KIR3DL2: variants seen among roughly 807,000 people sequenced by gnomAD.
KIR3DL2 encodes the protein killer cell immunoglobulin like receptor, three Ig domains and long cytoplasmic tail 2.
In KIR3DL2, 42 loss-of-function variants were observed where a neutral mutation model predicts 41.6. That is an observed-to-expected ratio of 1.01 (90% confidence interval 0.79 to 1.31). KIR3DL2 has a LOEUF of 1.31. KIR3DL2 is among the 50% of genes most tolerant of loss of function. The probability of loss-of-function intolerance (pLI) is 0.00; values close to 1 mark genes in which losing one functional copy is unlikely to be tolerated. For synonymous variants in KIR3DL2, 230 were observed against 221.3 expected (o/e 1.04, Z -0.35); for missense variants, 728 against 576.8 (o/e 1.26, Z -2.68).
At chr19:54,861,363 A>G (rs1275931655) in intron 6 of KIR3DL2, among the ~76,000 whole-genome samples, 1 of 152,080 alleles carries the variant, frequency 6.6e-6, no homozygotes, top group Non-Finnish European at 1.5e-5. Flanking sequence ...CATAATATAC[A>G]AGGCTGTGAA....
chr19:54,865,643 A>G (rs2065450590), intron 6 of KIR3DL2, among the ~76,000 whole-genome samples, 162 bp from the exon 7 acceptor site: 1 of 152,146 alleles, frequency 6.6e-6, no homozygotes, highest in Admixed American at 6.5e-5. Context: ...GGTTTCTATG[A>G]GAGCTGTAAC....
rs746225412 is a variant in KIR3DL2, at chr19:54,866,546, G to C, written c.1183G>C (p.Glu395Gln). 1.2e-6 allele frequency: 2 copies of C among 1,614,038 alleles called. No homozygotes were observed. Among genetic ancestry groups the C allele is most frequent in the Non-Finnish European group, 1.7e-6 (2 of 1,179,986 alleles). ...RQDSDEQDPQEVTYAQLDHCV... is the reference protein window; with the variant it reads ...RQDSDEQDPQQVTYAQLDHCV... ...GGACTCTGATGAACAAGACCCTCAG[G>C]AGGTGACGTACGCACAGTTGGATCA... Residue 395 changes from glutamate (E) to glutamine (Q), a missense_variant, in exon 9 of 9, where the codon GAG becomes CAG. Glu to Gln is a conservative substitution (Grantham distance 29). Transcript: ENST00000326321.
At chr19:54,855,058 ATGAAGAT>A (rs1386678306) in intron 4 of KIR3DL2, among the ~76,000 whole-genome samples, 2 of 85,718 alleles carry the variant, frequency 2.3e-5, no homozygotes, top group African/African-American at 9.2e-5. Context: ...GATGATGATG[ATGAAGAT>A]AGATAGAAGA....
chr19:54,852,024 G>T lies in KIR3DL2; in HGVS notation c.97G>T (p.Ala33Ser). ...TGGTCAGGACAAACCCTTCCTGTCT[G>T]CCCGGCCCAGCACTGTGGTGCCTCG... ...MGGQDKPFLS[A>S]RPSTVVPRGG... The change falls in exon 3 of 9, where the codon GCC (alanine) becomes TCC (serine). Residue 33 changes from alanine (A) to serine (S), a missense_variant. Ala to Ser is a moderately conservative substitution (Grantham distance 99, BLOSUM62 1). Coordinates refer to ENST00000326321, the MANE Select transcript of KIR3DL2 (RefSeq NM_006737.4). The T allele has an allele frequency of 3.1e-6, 5 of 1,611,082 alleles. No individual in the cohort carries two copies. In the South Asian group the frequency reaches 3.3e-5, roughly 11 times the overall value.
At chr19:54,861,522 G>A (rs2065181758) in intron 6 of KIR3DL2, among the ~76,000 whole-genome samples, 2 of 148,668 alleles carry the variant, frequency 1.3e-5, no homozygotes. Context: ...GGTGGTGCAT[G>A]ACTGTAATCC....
chr19:54,866,051 C>T, intron 7 of KIR3DL2, 142 bp downstream of exon 7: 1 of 816,756 alleles, frequency 1.2e-6, no homozygotes, highest in Non-Finnish European at 2.0e-6. Flanking sequence ...CTAGAGAGAG[C>T]ACCAGACAAC....
chr19:54,866,564 T>C lies in KIR3DL2; in HGVS notation c.1201T>C (p.Leu401=), dbSNP rs1234237173. 4 of 1,614,058 alleles carry C rather than the reference T, an allele frequency of 2.5e-6. No homozygotes were observed. The highest frequency in any genetic ancestry group is 1.6e-4 in the Middle Eastern group (1 of 6,062). The change falls in exon 9 of 9, where the codon TTG becomes CTG. Residue 401 remains leucine, a synonymous_variant. Transcript: ENST00000326321. Reference sequence around the variant, plus strand: ...CCCTCAGGAGGTGACGTACGCACAGTTGGATCACTGCGTTTTCATACAGAG... The same window carrying C: ...CCCTCAGGAGGTGACGTACGCACAGCTGGATCACTGCGTTTTCATACAGAG... ...QDPQEVTYAQ[L]DHCVFIQRKI...
At chr19:54,860,878 C>G (rs10407172) in intron 6 of KIR3DL2, among the ~76,000 whole-genome samples, 71,857 of 128,644 alleles carry the variant, frequency 0.56, 18,715 homozygotes, top group East Asian at 0.58. Flanking sequence ...GGCTCTGACT[C>G]AAATGCTGGG....
chr19:54,863,341 C>T (rs2065308399), intron 6 of KIR3DL2, among the ~76,000 whole-genome samples: 1 of 151,934 alleles, frequency 6.6e-6, no homozygotes, highest in Admixed American at 6.6e-5. Flanking sequence ...TTTATAGCAG[C>T]ATGATTTATA....
At chr19:54,865,948 A>T (rs3745897) in intron 7 of KIR3DL2, 39 bp downstream of exon 7, 2 of 1,527,752 alleles carry the variant, frequency 1.3e-6, no homozygotes, top group Non-Finnish European at 1.8e-6. Context: ...GCTCAGGGCC[A>T]TGTGGGGAAG....
chr19:54,862,826 T>G (rs961058467), intron 6 of KIR3DL2, among the ~76,000 whole-genome samples: 3 of 106,810 alleles, frequency 2.8e-5, no homozygotes, highest in Non-Finnish European at 5.9e-5. Context: ...TTTTTTTTTG[T>G]ATAGTGCTTC....
rs749379836 is a variant in KIR3DL2 at position 54,867,129 on chromosome 19, T to C, written c.*398T>C. 7 of 230,790 alleles carry C rather than the reference T, an allele frequency of 3.0e-5. No individual in the cohort carries two copies. Among genetic ancestry groups the C allele is most frequent in the Non-Finnish European group, 4.2e-5 (5 of 120,352 alleles). 14.3% of individuals were successfully genotyped at this position (230,790 alleles called of 1,614,324 possible). A position where few individuals can be genotyped will look rare whatever the true frequency, so the allele number is the denominator to read the frequency against. On this transcript the variant is annotated 3_prime_UTR_variant, in exon 9 of 9. Coordinates refer to ENST00000326321, the MANE Select transcript of KIR3DL2 (RefSeq NM_006737.4). ...CCCCTCAGACTATCTTTCAGCCTTC[T>C]GTCATCAGTAAAATTTATAAATTTT... is the stretch of plus-strand genomic sequence containing the variant.
At chr19:54,860,858 G>T (rs62123379) in intron 6 of KIR3DL2, among the ~76,000 whole-genome samples, 30,505 of 122,004 alleles carry the variant, frequency 0.25, 2,720 homozygotes, top group South Asian at 0.28. Flanking sequence ...AATCTGATGT[G>T]GAAGGAAGAG....
rs1347331552 is a variant in KIR3DL2, at chr19:54,851,469, G to A, written c.70+214G>A. 2.6e-4 allele frequency among the ~76,000 whole-genome samples: 39 copies of A among 151,230 alleles called. 1 individual carries two copies. Among genetic ancestry groups the A allele is most frequent in the Non-Finnish European group, 1.3e-4 (9 of 67,940 alleles). On this transcript the variant is annotated intron_variant, in intron 2 of 8. Transcript: ENST00000326321. The stretch of plus-strand genomic sequence containing the variant: ...CTGGGGTGAGACTGGGGTGCTCCAA[G>A]CTGGGGTGTGCAGGGAGGAAGTGGT...
chr19:54,866,746 T>A lies in KIR3DL2; in HGVS notation c.*15T>A. On this transcript the variant is annotated 3_prime_UTR_variant, in exon 9 of 9. Transcript: ENST00000326321. ...GGGTTTTCTAGGGAGACAACAGCCC[T>A]GTCTCAAAACCAGGTTGCCAGATCC... 1.2e-6 allele frequency: 2 copies of A among 1,612,392 alleles called. No homozygotes were observed. The highest frequency in any genetic ancestry group is 2.2e-5 in the South Asian group (2 of 90,968).
intron 5 of KIR3DL2, 127 bp downstream of exon 5, chr19:54,856,039 G>T (rs1322276590): frequency 8.1e-7 from 1 of 1,229,964 alleles, no homozygotes; most frequent in Non-Finnish European, 1.1e-6. Flanking sequence ...GTGAGGGGGG[G>T]GTCAGGGTGC....
At chr19:54,856,246 C>T (rs1410724773) in intron 5 of KIR3DL2, among the ~76,000 whole-genome samples, 6 of 151,530 alleles carry the variant, frequency 4.0e-5, no homozygotes, top group Non-Finnish European at 8.8e-5. Flanking sequence ...CCATCCTGGC[C>T]TCTCACCCAC....
intron 2 of KIR3DL2, 27 bp from the exon 3 acceptor site, chr19:54,851,971 C>A (rs1176053579): frequency 6.2e-7 from 1 of 1,604,306 alleles, no homozygotes; most frequent in Non-Finnish European, 8.5e-7. Context: ...ATCCTCCTCT[C>A]TAAGGCAGTG....
At chr19:54,863,012 C>T (rs1270440338) in intron 6 of KIR3DL2, among the ~76,000 whole-genome samples, 2 of 88,590 alleles carry the variant, frequency 2.3e-5, no homozygotes, top group African/African-American at 4.3e-5. Context: ...CCCCTCCCCC[C>T]ACCCCACAAC....
Sources: allele counts gnomAD v4.1 joint callset (sites outside exome capture counted in the v4.1 genomes callset), GRCh38; gene constraint gnomAD v4.1.1; transcripts MANE v1.5; gene names NCBI Gene and HGNC (gene_info 2026-07-23, HGNC 2026-07-21).